The following MGAT1 variants were observed in gnomAD, a reference collection of about 807,000 sequenced individuals.
The protein encoded by MGAT1 is N-glycosyl-oligosaccharide-glycoprotein N-acetylglucosaminyltransferase I.
In MGAT1, 14 loss-of-function variants were observed where a neutral mutation model predicts 31.7. That is an observed-to-expected ratio of 0.44 (90% CI 0.29 to 0.69). MGAT1 has a LOEUF of 0.69. Ranked by LOEUF, MGAT1 falls within the 30% of genes least tolerant of loss-of-function variation. The probability of loss-of-function intolerance (pLI) is 0.12; values close to 1 mark genes in which losing one functional copy is unlikely to be tolerated. For synonymous variants in MGAT1, 338 were observed against 276.0 expected, an observed-to-expected ratio of 1.22 and a Z score of -2.23; for missense variants, 557 against 626.0, an observed-to-expected ratio of 0.89 and a Z score of 1.18.
intron 1 of MGAT1, among the ~76,000 whole-genome samples, chr5:180,797,245 T>C (rs1769590236): frequency 6.6e-6 from 1 of 151,692 alleles, no homozygotes; most frequent in Non-Finnish European, 1.5e-5. Flanking sequence ...AAAATAAAAA[T>C]TCAAAAATTA....
At chr5:180,810,915 G>T (rs1772512429) in intron 1 of MGAT1, 1 of 152,252 alleles carries the variant, frequency 6.6e-6, no homozygotes, top group South Asian at 2.1e-4. Flanking sequence ...GCCGTCGCCG[G>T]CGCGTGAACG....
chr5:180,800,242 G>A (rs754699200), intron 1 of MGAT1, among the ~76,000 whole-genome samples: 4 of 152,156 alleles, frequency 2.6e-5, no homozygotes, highest in Non-Finnish European at 4.4e-5. Context: ...CTGAGGCCCT[G>A]TCTCCACTCA....
At chr5:180,797,790 C>T (rs1194870880) in intron 1 of MGAT1, among the ~76,000 whole-genome samples, 2 of 117,452 alleles carry the variant, frequency 1.7e-5, no homozygotes, top group Non-Finnish European at 3.7e-5. Flanking sequence ...GTGCTTCAAA[C>T]TTGCTCCTGT....
At chr5:180,814,778 A>G (rs1772765733) in intron 1 of MGAT1, among the ~76,000 whole-genome samples, 1 of 151,880 alleles carries the variant, frequency 6.6e-6, no homozygotes, top group African/African-American at 2.4e-5. Flanking sequence ...CATCCCTACT[A>G]AAAATATAAA....
At position 180,792,192 on chromosome 5, in the gene MGAT1, G is replaced by A. The variant is rs747477896; in HGVS notation, c.780C>T (p.Arg260=). The change falls in exon 2 of 2, where the codon CGC becomes CGT. Residue 260 remains arginine (R), a synonymous_variant. Coordinates refer to ENST00000307826, the MANE Select transcript of MGAT1 (RefSeq NM_002406.4). ...AGCCCAGGCCAGGGAAAAAGTCGGT[G>A]CGGTAGAGCAGCTCAGGCCTGCTGG... ...VDASRPELLY[R]TDFFPGLGWL... is the part of the protein sequence containing the mutation. 2.5e-6 allele frequency: 4 copies of A among 1,613,116 alleles called. No individual in the cohort carries two copies. In the Admixed American group the frequency reaches 6.7e-5, roughly 27 times the overall value.
intron 1 of MGAT1, among the ~76,000 whole-genome samples, chr5:180,802,075 C>G (rs1486279475): frequency 6.6e-5 from 10 of 152,086 alleles, no homozygotes; most frequent in Non-Finnish European, 4.4e-5. Flanking sequence ...AACGGCAGAC[C>G]CACTACAGCA....
intron 1 of MGAT1, among the ~76,000 whole-genome samples, chr5:180,801,254 A>G (rs747063860): frequency 3.9e-5 from 6 of 152,284 alleles, no homozygotes; most frequent in Admixed American, 3.9e-4. Flanking sequence ...ACTTCCAATC[A>G]TGAGCAATAA....
rs941878046 is a variant in MGAT1, at chr5:180,787,093, A to C, written c.*4541T>G. 1 of 152,286 alleles carries C rather than the reference A, an allele frequency of 6.6e-6. No homozygotes were observed. Among genetic ancestry groups the C allele is most frequent in the Non-Finnish European group, 1.5e-5 (1 of 68,090 alleles). The allele number at this position is 152,286 out of a possible 1,614,324, so 9.4% of individuals were successfully genotyped here. A position where few individuals can be genotyped will look rare whatever the true frequency, so the allele number is the denominator to read the frequency against. ...TACTCACAATGCAGCCATACGGATT[A>C]ATCCCACAGCCACCACAGAAGGTTG... On this transcript the variant is annotated 3_prime_UTR_variant, in exon 2 of 2. Transcript: ENST00000307826.
chr5:180,800,428 G>C (rs922481411), intron 1 of MGAT1, among the ~76,000 whole-genome samples: 5 of 152,230 alleles, frequency 3.3e-5, no homozygotes, highest in Non-Finnish European at 7.3e-5. Context: ...CTTGCTGAAA[G>C]ACTCAAAAGC....
At chr5:180,800,318 A>C (rs1478236686) in intron 1 of MGAT1, among the ~76,000 whole-genome samples, 1 of 152,228 alleles carries the variant, frequency 6.6e-6, no homozygotes, top group Non-Finnish European at 1.5e-5. Context: ...GTGGCTTAAA[A>C]CAATAGTTAT....
At chr5:180,800,546 A>C (rs1770521874) in intron 1 of MGAT1, among the ~76,000 whole-genome samples, 1 of 152,212 alleles carries the variant, frequency 6.6e-6, no homozygotes, top group African/African-American at 2.4e-5. Flanking sequence ...GAACCCCTCT[A>C]TGTGGCCTGG....
chr5:180,812,556 G>GCA (rs926017708), intron 1 of MGAT1, among the ~76,000 whole-genome samples: 6 of 151,240 alleles, frequency 4.0e-5, no homozygotes, highest in African/African-American at 7.3e-5. Context: ...TTATACACAC[G>GCA]CACACACACA....
Position 180,792,460 on chromosome 5 carries a change from G to A in MGAT1, c.512C>T (p.Ala171Val), listed in dbSNP as rs147082463. 1.8e-4 allele frequency: 292 copies of A among 1,612,744 alleles called. 1 individual carries two copies. In the African/African-American group the frequency reaches 3.1e-3, roughly 17 times the overall value. The change falls in exon 2 of 2, where the codon GCG becomes GTG. Residue 171 changes from alanine to valine, a missense_variant. Physicochemically the swap from Ala to Val is moderately conservative, Grantham distance 64. Around this residue, in one of 3 missense-constraint regions of MGAT1, gnomAD observed 245 missense variants for 332.9 expected, o/e 0.74. Transcript: ENST00000307826. ...GAACTTGCGGTGGTCCGGCGGCACC[G>A]CAATGCTGCTCAGGTCGGGCTGCCG... Reference protein sequence around the residue: ...HIRQPDLSSIAVPPDHRKFQG... With the variant: ...HIRQPDLSSIVVPPDHRKFQG...
chr5:180,799,568 C>T lies in MGAT1; in HGVS notation c.-127+3112G>A, dbSNP rs144106912. Among the ~76,000 whole-genome samples, 1,493 of 152,264 alleles carry T rather than the reference C, an allele frequency of 9.8e-3. 14 individuals are homozygous for T. Among genetic ancestry groups the T allele is most frequent in the Middle Eastern group, 0.024 (7 of 294 alleles). On this transcript the variant is annotated intron_variant, in intron 1 of 1. Transcript: ENST00000307826. ...AAAAAAGACTCTATGACCTCTGTGC[C>T]CACCACAGTGCTTGGCACATGTATG...
intron 1 of MGAT1, among the ~76,000 whole-genome samples, chr5:180,797,431 G>C (rs1012530246): frequency 5.3e-5 from 7 of 132,674 alleles, no homozygotes; most frequent in Non-Finnish European, 9.5e-5. Context: ...AAAAAAAAAG[G>C]GGGGGGGGGC....
At chr5:180,808,923 G>A (rs1486270927) in exon 2 of MGAT1, 2 of 152,210 alleles carry the variant, frequency 1.3e-5, no homozygotes, top group Admixed American at 6.5e-5. Flanking sequence ...CTCAGAGTCT[G>A]GTGATGGACA....
chr5:180,797,914 G>C (rs1258132282), intron 1 of MGAT1, among the ~76,000 whole-genome samples: 3 of 118,934 alleles, frequency 2.5e-5, no homozygotes, highest in East Asian at 5.9e-4. Flanking sequence ...AGGATCCTCA[G>C]CTCTGCCTGG....
At chr5:180,810,115 C>A (rs1772389233) in intron 1 of MGAT1, 1 of 151,522 alleles carries the variant, frequency 6.6e-6, no homozygotes, top group Non-Finnish European at 1.5e-5. Context: ...AGGCCCGATC[C>A]CCAGCGCTGG....
At position 180,790,020 on chromosome 5, in the gene MGAT1, G is replaced by C. The variant is rs1052222623; in HGVS notation, c.*1614C>G. On this transcript the variant is annotated 3_prime_UTR_variant, in exon 2 of 2. Transcript: ENST00000307826. ...AGAGGTAACAGTCTGTCTGTGTTCT[G>C]GGTATTAGCAAAACAGGCACTCTCA... 2.6e-5 allele frequency: 4 copies of C among 152,212 alleles called. No individual in the cohort carries two copies. Among genetic ancestry groups the C allele is most frequent in the Non-Finnish European group, 4.4e-5 (3 of 68,050 alleles). 9.4% of individuals were successfully genotyped at this position (152,212 alleles called of 1,614,324 possible). A position where few individuals can be genotyped will look rare whatever the true frequency, so the allele number is the denominator to read the frequency against.
Sources: allele counts gnomAD v4.1 joint callset (sites outside exome capture counted in the v4.1 genomes callset), GRCh38; gene constraint gnomAD v4.1.1; regional missense constraint gnomAD v4.1.1; transcripts MANE v1.5; gene names NCBI Gene and HGNC (gene_info 2026-07-23, HGNC 2026-07-21).